Variants in SLIT2 observed in about 807,000 individuals in gnomAD.
SLIT2 encodes the protein slit guidance ligand 2.
Under a neutral mutation model 185.7 loss-of-function variants are expected in SLIT2, and 41 were observed. The ratio of observed to expected loss-of-function variants is 0.22; its 90% CI spans 0.17 to 0.29. The LOEUF is 0.29. SLIT2 is among the 10% of genes least tolerant of loss of function. The pLI, the probability that SLIT2 is intolerant of heterozygous loss-of-function variation, is 1.00. For synonymous variants in SLIT2, 693 were observed against 680.2 expected, an observed-to-expected ratio of 1.02 and a Z score of -0.29; for missense variants, 1,571 against 1,909.0, an observed-to-expected ratio of 0.82 and a Z score of 3.30.
At chr4:20,285,184 G>A (rs1715147881) in intron 4 of SLIT2, among the ~76,000 whole-genome samples, 1 of 152,180 alleles carries the variant, frequency 6.6e-6, no homozygotes, top group African/African-American at 2.4e-5. Flanking sequence ...GCTCAGCTGG[G>A]AAATGCAGAA....
At chr4:20,509,233 C>T (rs1481873717) in intron 9 of SLIT2, among the ~76,000 whole-genome samples, 1 of 151,544 alleles carries the variant, frequency 6.6e-6, no homozygotes, top group Non-Finnish European at 1.5e-5. Flanking sequence ...GCCAGTTGAG[C>T]TTTATTTTCC....
At chr4:20,485,605 C>G (rs887370662) in intron 6 of SLIT2, among the ~76,000 whole-genome samples, 1 of 152,116 alleles carries the variant, frequency 6.6e-6, no homozygotes, top group African/African-American at 2.4e-5. Context: ...AATCTTTTAA[C>G]ACGGTGCTAC....
chr4:20,311,820 T>C (rs2109136592), intron 4 of SLIT2, among the ~76,000 whole-genome samples: 1 of 152,296 alleles, frequency 6.6e-6, no homozygotes, highest in African/African-American at 2.4e-5. Flanking sequence ...CAATAAGCTA[T>C]CTGAATTAGT....
chr4:20,387,272 C>G (rs1451862124), intron 4 of SLIT2, among the ~76,000 whole-genome samples: 1 of 151,842 alleles, frequency 6.6e-6, no homozygotes, highest in Non-Finnish European at 1.5e-5. Context: ...TTAGTTATAT[C>G]TATTGATATT....
At chr4:20,317,865 A>G (rs533402926) in intron 4 of SLIT2, among the ~76,000 whole-genome samples, 32 of 152,268 alleles carry the variant, frequency 2.1e-4, no homozygotes, top group African/African-American at 7.0e-4. Context: ...TAAAGAATCT[A>G]CGTCTTCTTG....
intron 1 of SLIT2, among the ~76,000 whole-genome samples, chr4:20,256,320 G>A: frequency 6.6e-6 from 1 of 150,706 alleles, no homozygotes; most frequent in East Asian, 2.0e-4. Flanking sequence ...TTTTTTTGGG[G>A]GGGGTGCCTA....
At chr4:20,443,764 AAT>A (rs905823664) in intron 4 of SLIT2, among the ~76,000 whole-genome samples, 1 of 152,084 alleles carries the variant, frequency 6.6e-6, no homozygotes, top group African/African-American at 2.4e-5. Context: ...CTTGAAAGTA[AAT>A]GAGATAACTT....
At chr4:20,323,919 A>G (rs1719318661) in intron 4 of SLIT2, among the ~76,000 whole-genome samples, 1 of 152,204 alleles carries the variant, frequency 6.6e-6, no homozygotes, top group Non-Finnish European at 1.5e-5. Flanking sequence ...ACCTAAAACA[A>G]TATTTTAAAT....
chr4:20,549,717 A>C (rs1435652749), intron 24 of SLIT2, among the ~76,000 whole-genome samples: 1 of 151,612 alleles, frequency 6.6e-6, no homozygotes, highest in Non-Finnish European at 1.5e-5. Flanking sequence ...ATGCTTTTGA[A>C]TATTTCAAGT....
chr4:20,401,252 G>A (rs1018402169), intron 4 of SLIT2, among the ~76,000 whole-genome samples: 3 of 151,834 alleles, frequency 2.0e-5, no homozygotes, highest in East Asian at 1.9e-4. Context: ...TTGAAAGAAC[G>A]TTGTCTCTCC....
intron 30 of SLIT2, 98 bp downstream of exon 30, chr4:20,589,835 C>A: frequency 1.3e-6 from 1 of 769,284 alleles, no homozygotes; most frequent in Non-Finnish European, 2.3e-6. Context: ...CACCTCTGCT[C>A]AGGATTAAAG....
chr4:20,525,392 C>T (rs180674341), intron 15 of SLIT2, among the ~76,000 whole-genome samples: 85 of 152,192 alleles, frequency 5.6e-4, no homozygotes, highest in African/African-American at 1.8e-3. Context: ...CTTTTCTTCT[C>T]TTTCTTTTAC....
intron 12 of SLIT2, among the ~76,000 whole-genome samples, chr4:20,521,173 G>T (rs1230875184): frequency 6.6e-6 from 1 of 152,106 alleles, no homozygotes; most frequent in East Asian, 1.9e-4. Context: ...ACACTTATTG[G>T]TAGTTGATGT....
chr4:20,358,393 G>A (rs1291075456), intron 4 of SLIT2, among the ~76,000 whole-genome samples: 1 of 152,162 alleles, frequency 6.6e-6, no homozygotes, highest in Non-Finnish European at 1.5e-5. Context: ...TGGGCCAAAA[G>A]TTACAGTAAT....
Position 20,524,237 on chromosome 4 carries a change from C to G in SLIT2, c.1438+60C>G, listed in dbSNP as rs1314796958. 3 of 1,528,292 alleles carry G rather than the reference C, an allele frequency of 2.0e-6. No individual in the cohort carries two copies. In the African/African-American group the frequency reaches 4.1e-5, roughly 21 times the overall value. 94.7% of individuals were successfully genotyped at this position (1,528,292 alleles called of 1,614,324 possible). On this transcript the variant is annotated intron_variant, in intron 14 of 36. Transcript: ENST00000504154. ...ACAACAATGGTTACATGAGACCTAA[C>G]AAAAGCAGCTGGCCTTCGGCTGATT...
chr4:20,601,091 CACAAAGAA>C (rs574291401), intron 33 of SLIT2, among the ~76,000 whole-genome samples: 1 of 152,150 alleles, frequency 6.6e-6, no homozygotes, highest in African/African-American at 2.4e-5. Flanking sequence ...AAAAACTAGA[CACAAAGAA>C]ATAGAAACAA....
intron 11 of SLIT2, among the ~76,000 whole-genome samples, chr4:20,514,142 A>G (rs903643714): frequency 1.3e-5 from 2 of 152,196 alleles, no homozygotes; most frequent in African/African-American, 4.8e-5. Context: ...TACAAAAACC[A>G]TGCAAGTACA....
intron 4 of SLIT2, among the ~76,000 whole-genome samples, chr4:20,380,238 T>A (rs746681143): frequency 2.0e-5 from 3 of 152,138 alleles, no homozygotes; most frequent in Non-Finnish European, 4.4e-5. Context: ...CTTCTGGACT[T>A]CCCTTAACAA....
At chr4:20,271,697 C>G (rs1188930256) in intron 4 of SLIT2, among the ~76,000 whole-genome samples, 1 of 151,736 alleles carries the variant, frequency 6.6e-6, no homozygotes, top group Non-Finnish European at 1.5e-5. Flanking sequence ...AGGTATATCA[C>G]TAATAAAAAA....
Sources: allele counts gnomAD v4.1 joint callset (sites outside exome capture counted in the v4.1 genomes callset), GRCh38; gene constraint gnomAD v4.1.1; transcripts MANE v1.5; gene names NCBI Gene and HGNC (gene_info 2026-07-23, HGNC 2026-07-21).